NARS1: variants seen among roughly 807,000 people sequenced by gnomAD.
The protein encoded by NARS1 is asparaginyl-tRNA synthetase 1, also known as asparagine--tRNA ligase, cytoplasmic.
NARS1 carries 65 observed loss-of-function variants against 79.2 expected under a neutral mutation model. That is an observed-to-expected ratio of 0.82 (90% CI 0.67 to 1.01). The LOEUF is 1.01. Among genes scored for constraint, NARS1 ranks in the 50% least tolerant of loss-of-function variants. The pLI, the probability that NARS1 is intolerant of heterozygous loss-of-function variation, is 0.00. For missense variants in NARS1, 649 were observed against 673.8 expected (o/e 0.96, Z 0.41); for synonymous variants, 229 against 238.8 (o/e 0.96, Z 0.38).
chr18:57,618,858 C>A (rs1005929345), intron 2 of NARS1, among the ~76,000 whole-genome samples: 2 of 151,576 alleles, frequency 1.3e-5, no homozygotes, highest in African/African-American at 4.9e-5. Context: ...GCCATGAATG[C>A]GCTACTGCAC....
intron 4 of NARS1, among the ~76,000 whole-genome samples, chr18:57,613,947 A>G (rs1161698514): frequency 6.6e-6 from 1 of 152,208 alleles, no homozygotes; most frequent in Non-Finnish European, 1.5e-5. Context: ...TGCTAGATAA[A>G]ATTAATTAAT....
chr18:57,620,673 AG>A, intron 1 of NARS1, 22 bp from the exon 2 acceptor site: 1 of 1,533,570 alleles, frequency 6.5e-7, no homozygotes, highest in African/African-American at 1.4e-5. Context: ...AATGAGGGTA[AG>A]TTATGGTCTG....
At chr18:57,607,844 T>C (rs17753056) in intron 7 of NARS1, among the ~76,000 whole-genome samples, 179 bp from the exon 8 acceptor site, 19,050 of 151,866 alleles carry the variant, frequency 0.13, 1,326 homozygotes, top group Non-Finnish European at 0.16. Context: ...TCTGGATAAA[T>C]ACACACTCAC....
chr18:57,607,659 C>A lies in NARS1; in HGVS notation c.586G>T (p.Gly196Cys), dbSNP rs2051570897. Residue 196 changes from glycine (G) to cysteine (C), a missense_variant, in exon 8 of 14, where the codon GGT (glycine) becomes TGT (cysteine). Coordinates refer to ENST00000256854, the MANE Select transcript of NARS1 (RefSeq NM_004539.4). ...AAGTCACAACTCAGCTCATGGCCAC[C>A]TGGAGCCTGCATTTTTTAAAAGTGG... ...NLTPKGKQAP[G>C]GHELSCDFWE... 6.2e-7 allele frequency: 1 copy of A among 1,607,480 alleles called. No homozygotes were observed. Among genetic ancestry groups the A allele is most frequent in the Admixed American group, 1.7e-5 (1 of 59,394 alleles).
chr18:57,602,513 ACAATTACTAT>A (rs1568161980), intron 12 of NARS1, 27 bp from the exon 13 acceptor site: 1 of 1,612,678 alleles, frequency 6.2e-7, no homozygotes, highest in African/African-American at 1.3e-5. Context: ...AAGAAGATAC[ACAATTACTAT>A]CAAGCGATCA....
intron 11 of NARS1, among the ~76,000 whole-genome samples, chr18:57,605,443 C>A (rs569609498): frequency 6.6e-6 from 1 of 151,402 alleles, no homozygotes; most frequent in South Asian, 2.1e-4. Flanking sequence ...CCTGTCTCTA[C>A]TAAAAATAAA....
intron 2 of NARS1, among the ~76,000 whole-genome samples, chr18:57,617,281 G>A (rs1908084778): frequency 6.6e-6 from 1 of 152,046 alleles, no homozygotes; most frequent in African/African-American, 2.4e-5. Context: ...CAGAGAAGGA[G>A]GGAATCTGAG....
At chr18:57,602,233 A>G in intron 13 of NARS1, 122 bp downstream of exon 13, 1 of 896,408 alleles carries the variant, frequency 1.1e-6, no homozygotes, top group East Asian at 2.6e-5. Context: ...TAACCTGCAA[A>G]CTGAATATAG....
chr18:57,607,928 C>T (rs113128569), intron 7 of NARS1, among the ~76,000 whole-genome samples: 50 of 149,608 alleles, frequency 3.3e-4, no homozygotes, highest in African/African-American at 1.0e-3. Flanking sequence ...AGTGCAGTGA[C>T]GCAATCTTGG....
rs1490601930 is a variant in NARS1 at position 57,602,811 on chromosome 18, CAG to C, written c.1382_1383del (p.Ser461CysfsTer10). 2 of 1,613,546 alleles carry C rather than the reference CAG, an allele frequency of 1.2e-6. No individual in the cohort carries two copies. Among genetic ancestry groups the C allele is most frequent in the African/African-American group, 2.7e-5 (2 of 74,906 alleles). ...RCPEDSRLTE[S>X]VDVLMPNVGE... ...TAATACTCTTTGAAACAGAAACTGACAGATTCAGTAAGACGGGAATCCTCAGG... is the reference window on the plus strand; with the variant it reads ...TAATACTCTTTGAAACAGAAACTGACATTCAGTAAGACGGGAATCCTCAGG... On this transcript the variant is annotated frameshift_variant and splice_region_variant, in exon 12 of 14. Coordinates refer to ENST00000256854, the MANE Select transcript of NARS1 (RefSeq NM_004539.4). LOFTEE classifies it high-confidence loss of function.
At chr18:57,606,146 T>A (rs1212158454) in intron 10 of NARS1, among the ~76,000 whole-genome samples, 176 bp from the exon 11 acceptor site, 1 of 151,666 alleles carries the variant, frequency 6.6e-6, no homozygotes, top group Non-Finnish European at 1.5e-5. Flanking sequence ...GTCAGGAGTT[T>A]GGGACCAGCC....
rs773234378 is a variant in NARS1, at chr18:57,603,506, G to C, written c.1252-563C>G. Among the ~76,000 whole-genome samples, 3 of 145,260 alleles carry C rather than the reference G, an allele frequency of 2.1e-5. 1 individual carries two copies. Among genetic ancestry groups the C allele is most frequent in the Non-Finnish European group, 4.4e-5 (3 of 67,978 alleles). On this transcript the variant is annotated intron_variant, in intron 11 of 13. Transcript: ENST00000256854. ...AAGACAAATAACCAATGTCAAACTG[G>C]TAAGTGTAAGCACACCTGGAATAGT...
At chr18:57,610,669 A>G (rs535165278) in intron 6 of NARS1, among the ~76,000 whole-genome samples, 1 of 151,224 alleles carries the variant, frequency 6.6e-6, no homozygotes, top group Non-Finnish European at 1.5e-5. Context: ...CAAATCCATA[A>G]TGTGAGAAGT....
chr18:57,605,697 GTTAA>G (rs1401550098), intron 11 of NARS1, among the ~76,000 whole-genome samples, 156 bp downstream of exon 11: 1 of 151,840 alleles, frequency 6.6e-6, no homozygotes, highest in South Asian at 2.1e-4. Flanking sequence ...GGCTGACTCT[GTTAA>G]CTCAGCGAAT....
At chr18:57,606,803 T>TA in intron 9 of NARS1, 52 bp from the exon 10 acceptor site, 4 of 1,605,912 alleles carry the variant, frequency 2.5e-6, no homozygotes, top group Non-Finnish European at 3.4e-6. Context: ...ACTGGTTTTT[T>TA]ATCCAGCAAG....
rs949063323 is a variant in NARS1 at position 57,621,797 on chromosome 18, GTTTC to G, written c.-84_-81del. On this transcript the variant is annotated 5_prime_UTR_variant, in exon 1 of 14. An upstream open reading frame in the 5' UTR loses its in-frame stop. Coordinates refer to ENST00000256854, the MANE Select transcript of NARS1 (RefSeq NM_004539.4). ...CTTATGACTCCAACGTGCACCGGCG[GTTTC>G]CGCGATTCCGGCGTTGCATCAGAGA... The G allele has an allele frequency of 1.2e-3, 1,906 of 1,607,914 alleles. 29 individuals are homozygous for G. The highest frequency in any genetic ancestry group is 6.3e-3 in the Middle Eastern group (38 of 6,058).
Position 57,607,258 on chromosome 18 carries a change from C to G in NARS1, c.877G>C (p.Glu293Gln). 6.2e-7 allele frequency: 1 copy of G among 1,614,146 alleles called. No homozygotes were observed. The highest frequency in any genetic ancestry group is 8.5e-7 in the Non-Finnish European group (1 of 1,180,018). ...TLFKLDYFGEEAFLTQSSQLY... is the reference protein window; with the variant it reads ...TLFKLDYFGEQAFLTQSSQLY... ...TGAGAGGATTGAGTCAAAAATGCCTCTTCCCCAAAATAGTCAAGCTTGAAG... is the reference window on the plus strand; with the variant it reads ...TGAGAGGATTGAGTCAAAAATGCCTGTTCCCCAAAATAGTCAAGCTTGAAG... Residue 293 changes from glutamate (E) to glutamine (Q), a missense_variant, in exon 9 of 14, where the codon GAG (glutamate) becomes CAG (glutamine). By Grantham distance (29) the Glu-to-Gln change is conservative (BLOSUM62 2). Coordinates refer to ENST00000256854, the MANE Select transcript of NARS1 (RefSeq NM_004539.4).
chr18:57,601,695 T>A lies in NARS1; in HGVS notation c.1604A>T (p.Asp535Val), dbSNP rs926301950. 6.2e-7 allele frequency: 1 copy of A among 1,613,974 alleles called. No individual in the cohort carries two copies. The highest frequency in any genetic ancestry group is 1.3e-5 in the African/African-American group (1 of 75,046). ...GACAAATCGAGGGTATAAGCACACG[T>A]CTCGGATGTGATACCTATTCAGAAT... is the stretch of plus-strand genomic sequence containing the variant. The part of the protein sequence containing the change: ...TWILNRYHIR[D>V]VCLYPRFVQR... Residue 535 changes from aspartate to valine, a missense_variant, in exon 14 of 14, where the codon GAC (aspartate) becomes GTC (valine). By Grantham distance (152) the Asp-to-Val change is radical. Coordinates refer to ENST00000256854, the MANE Select transcript of NARS1 (RefSeq NM_004539.4).
Position 57,621,790 on chromosome 18 carries a change from A to C in NARS1, c.-73T>G. The C allele has an allele frequency of 1.2e-6, 2 of 1,610,256 alleles. No individual in the cohort carries two copies. Among genetic ancestry groups the C allele is most frequent in the Non-Finnish European group, 1.7e-6 (2 of 1,178,994 alleles). On this transcript the variant is annotated 5_prime_UTR_variant, in exon 1 of 14. Transcript: ENST00000256854. ...ACGCCGTCTTATGACTCCAACGTGCACCGGCGGTTTCCGCGATTCCGGCGT... is the reference window on the plus strand; with the variant it reads ...ACGCCGTCTTATGACTCCAACGTGCCCCGGCGGTTTCCGCGATTCCGGCGT...
Sources: gnomAD v4.1 joint callset for allele counts (sites outside exome capture counted in the v4.1 genomes callset) on GRCh38, gnomAD v4.1.1 for gene constraint, MANE v1.5 for transcripts, NCBI Gene and HGNC (gene_info 2026-07-23, HGNC 2026-07-21) for gene names.